Variants in ZFP82 observed in about 807,000 individuals in gnomAD.
ZFP82 encodes the protein zinc finger protein 82 homolog.
Under a neutral mutation model 54.0 loss-of-function variants are expected in ZFP82, and 30 were observed. That is an observed-to-expected ratio of 0.56 (90% CI 0.42 to 0.75). ZFP82 has a LOEUF of 0.75. ZFP82 is among the 30% of genes least tolerant of loss of function. The pLI is 0.00. For missense variants in ZFP82, 500 were observed against 636.8 expected (o/e 0.79, Z 2.31); for synonymous variants, 194 against 209.5 (o/e 0.93, Z 0.64).
Position 36,393,681 on chromosome 19 carries a change from T to A in ZFP82, c.659A>T (p.His220Leu), listed in dbSNP as rs1318014492. The change falls in exon 5 of 5, where the codon CAT (histidine) becomes CTT (leucine). Residue 220 changes from histidine (H) to leucine (L), a missense_variant. His to Leu is a moderately conservative substitution (Grantham distance 99). Transcript: ENST00000392161. ...ACATTCATAGAGTTTTTCACCAGAATGAAGTCTCTGATGTCGAGTAAGGTG... is the reference window on the plus strand; with the variant it reads ...ACATTCATAGAGTTTTTCACCAGAAAGAAGTCTCTGATGTCGAGTAAGGTG... ...TAHLTRHQRL[H>L]SGEKLYECKE... is the part of the protein sequence containing the mutation. 1 of 1,614,080 alleles carries A rather than the reference T, an allele frequency of 6.2e-7. No homozygotes were observed. Among genetic ancestry groups the A allele is most frequent in the Non-Finnish European group, 8.5e-7 (1 of 1,180,042 alleles).
At chr19:36,402,296 A>G (rs914998551) in intron 4 of ZFP82, among the ~76,000 whole-genome samples, 12 of 152,058 alleles carry the variant, frequency 7.9e-5, no homozygotes, top group African/African-American at 2.7e-4. Flanking sequence ...GTAAAACCCC[A>G]TCTCTACTAA....
rs750725834 is a variant in ZFP82 at position 36,393,960 on chromosome 19, A to AT, written c.379dup (p.Ile127AsnfsTer2). 6.2e-7 allele frequency: 1 copy of AT among 1,613,724 alleles called. No homozygotes were observed. The highest frequency in any genetic ancestry group is 8.5e-7 in the Non-Finnish European group (1 of 1,179,906). ...TTCTTGAGGTCTCTCCTGTCCTTCAATTTTTCCTGTGGATTCCCAATCATT... is the reference window on the plus strand; with the variant it reads ...TTCTTGAGGTCTCTCCTGTCCTTCAATTTTTTCCTGTGGATTCCCAATCATT... On this transcript the variant is annotated frameshift_variant, in exon 5 of 5. Transcript: ENST00000392161. LOFTEE classifies it high-confidence loss of function.
At chr19:36,385,769 T>C (rs1442707839), downstream of ZFP82, among the ~76,000 whole-genome samples, 4 of 152,204 alleles carry the variant, frequency 2.6e-5, no homozygotes, top group African/African-American at 9.7e-5. Context: ...CTGGCTGAAT[T>C]TGTGTCCATG....
chr19:36,409,910 G>A (rs372637962), intron 1 of ZFP82, 43 bp from the exon 2 acceptor site: 2 of 1,009,456 alleles, frequency 2.0e-6, no homozygotes, highest in African/African-American at 1.6e-5. Flanking sequence ...ATGGACCTCA[G>A]AAATCCCCAA....
At chr19:36,402,400 C>T (rs1330424915) in intron 4 of ZFP82, among the ~76,000 whole-genome samples, 2 of 128,818 alleles carry the variant, frequency 1.6e-5, no homozygotes, top group Non-Finnish European at 3.1e-5. Context: ...ACCCAGGAAG[C>T]GGAGCTTGAA....
intron 4 of ZFP82, among the ~76,000 whole-genome samples, chr19:36,399,636 A>C (rs1292422476): frequency 1.3e-5 from 2 of 152,194 alleles, no homozygotes; most frequent in Non-Finnish European, 2.9e-5. Context: ...TTTTTCCTGA[A>C]AGTATCTAAT....
intron 2 of ZFP82, among the ~76,000 whole-genome samples, chr19:36,409,297 C>A (rs1427909608): frequency 6.6e-6 from 1 of 151,790 alleles, no homozygotes; most frequent in Non-Finnish European, 1.5e-5. Flanking sequence ...GAGACAGGGT[C>A]TCCCTGTCAC....
At chr19:36,384,187 G>A (rs1235283322), downstream of ZFP82, 2 of 151,868 alleles carry the variant, frequency 1.3e-5, no homozygotes, top group East Asian at 3.9e-4. Context: ...TATTCAATAA[G>A]GTATTTTTCA....
In ZFP82 at chr19:36,389,610, T is replaced by C. The variant is rs972987047; in HGVS notation, c.*3131A>G. ...ACATATACCCATAATGCCATAGTCATGCCTAACATATGAACAATAAATTAT... is the reference window on the plus strand; with the variant it reads ...ACATATACCCATAATGCCATAGTCACGCCTAACATATGAACAATAAATTAT... On this transcript the variant is annotated 3_prime_UTR_variant, in exon 5 of 5. Coordinates refer to ENST00000392161, the MANE Select transcript of ZFP82 (RefSeq NM_133466.4). 2.6e-5 allele frequency among the ~76,000 whole-genome samples: 4 copies of C among 152,242 alleles called. No individual in the cohort carries two copies. Among genetic ancestry groups the C allele is most frequent in the Non-Finnish European group, 1.5e-5 (1 of 68,038 alleles).
Position 36,407,900 on chromosome 19 carries a change from G to A in ZFP82, c.123C>T (p.Asn41=). 1 of 1,614,020 alleles carries A rather than the reference G, an allele frequency of 6.2e-7. No individual in the cohort carries two copies. Among genetic ancestry groups the A allele is most frequent in the South Asian group, 1.1e-5 (1 of 91,076 alleles). The change falls in exon 3 of 5, where the codon AAC becomes AAT. Residue 41 remains asparagine, a synonymous_variant. Transcript: ENST00000392161. ...AGATAACCTTACCCAGTGAGACCAA[G>A]TTGCTGTAGTTCTCCAACATGACAT... ...YRDVMLENYS[N]LVSLGCFISK...
Position 36,392,404 on chromosome 19 carries a change from C to T in ZFP82, c.*337G>A. On this transcript the variant is annotated 3_prime_UTR_variant, in exon 5 of 5. Coordinates refer to ENST00000392161, the MANE Select transcript of ZFP82 (RefSeq NM_133466.4). ...TACAACAGAGGGATGTAGATTCCAC[C>T]TCTTGATTGAAAGTGTGTCAAACTG... is the stretch of plus-strand genomic sequence containing the variant. 1 of 198,928 alleles carries T rather than the reference C, an allele frequency of 5.0e-6. No homozygotes were observed. Among genetic ancestry groups the T allele is most frequent in the Non-Finnish European group, 1.0e-5 (1 of 97,958 alleles). 12.3% of individuals were successfully genotyped at this position (198,928 alleles called of 1,614,324 possible).
chr19:36,414,981 C>T (rs528064925), intron 1 of ZFP82, among the ~76,000 whole-genome samples: 2 of 152,168 alleles, frequency 1.3e-5, no homozygotes, highest in South Asian at 2.1e-4. Flanking sequence ...ACCACCACGC[C>T]TGGCTAATTT....
chr19:36,392,594 T>A lies in ZFP82; in HGVS notation c.*147A>T. 1.5e-6 allele frequency: 1 copy of A among 648,590 alleles called. No individual in the cohort carries two copies. Among genetic ancestry groups the A allele is most frequent in the Non-Finnish European group, 2.4e-6 (1 of 410,242 alleles). The allele number at this position is 648,590 out of a possible 1,614,324, so 40.2% of individuals were successfully genotyped here. On this transcript the variant is annotated 3_prime_UTR_variant, in exon 5 of 5. Transcript: ENST00000392161. ...AGAACAAATATGCTGAAGTTTCAGG[T>A]TTGAGTGATGATGGACTACAATACA...
intron 4 of ZFP82, among the ~76,000 whole-genome samples, chr19:36,399,569 C>A (rs2032350374): frequency 6.6e-6 from 1 of 152,150 alleles, no homozygotes; most frequent in Non-Finnish European, 1.5e-5. Flanking sequence ...TGACAAAGCA[C>A]CCCACCTCAC....
At chr19:36,383,981 A>G (rs1024146467), downstream of ZFP82, 1 of 152,212 alleles carries the variant, frequency 6.6e-6, no homozygotes, top group African/African-American at 2.4e-5. Context: ...GCATACCAGA[A>G]GTAAGGATAT....
At position 36,407,879 on chromosome 19, in the gene ZFP82, A is replaced by G; in HGVS notation, c.136+8T>C. 6.2e-7 allele frequency: 1 copy of G among 1,612,836 alleles called. No homozygotes were observed. Among genetic ancestry groups the G allele is most frequent in the Non-Finnish European group, 8.5e-7 (1 of 1,179,350 alleles). On this transcript the variant is annotated splice_region_variant and intron_variant, in intron 3 of 4. Transcript: ENST00000392161. ...ACAGTCTAAATTCCTAGAAGCAGAT[A>G]ACCTTACCCAGTGAGACCAAGTTGC...
chr19:36,411,572 T>C (rs1452646287), intron 1 of ZFP82, among the ~76,000 whole-genome samples: 2 of 152,182 alleles, frequency 1.3e-5, no homozygotes, highest in Non-Finnish European at 2.9e-5. Flanking sequence ...ATTGTACATA[T>C]GATCAAAGGT....
chr19:36,384,461 A>G (rs1331074128), downstream of ZFP82: 2 of 152,194 alleles, frequency 1.3e-5, no homozygotes, highest in Non-Finnish European at 2.9e-5. Context: ...CACATCTGCA[A>G]TAGGTATTGG....
At chr19:36,402,083 T>C (rs1296175816) in intron 4 of ZFP82, among the ~76,000 whole-genome samples, 1 of 152,240 alleles carries the variant, frequency 6.6e-6, no homozygotes, top group African/African-American at 2.4e-5. Context: ...CCTGACTAAA[T>C]GGATATTATC....
Sources: gnomAD v4.1 joint callset for allele counts (sites outside exome capture counted in the v4.1 genomes callset) on GRCh38, gnomAD v4.1.1 for gene constraint, MANE v1.5 for transcripts, NCBI Gene and HGNC (gene_info 2026-07-23, HGNC 2026-07-21) for gene names.